Variants in ACAD9 observed in about 807,000 individuals in gnomAD.
ACAD9 encodes the protein acyl-CoA dehydrogenase family member 9.
ACAD9 carries 53 observed loss-of-function variants against 70.2 expected under a neutral mutation model. The observed-to-expected ratio is 0.75, with a 90% CI of 0.61 to 0.95. The LOEUF is 0.95. ACAD9 is among the 40% of genes least tolerant of loss of function. The pLI is 0.00. For missense variants in ACAD9, 777 were observed against 802.8 expected, an observed-to-expected ratio of 0.97 and a Z score of 0.39; for synonymous variants, 313 against 312.1, an observed-to-expected ratio of 1.00 and a Z score of -0.03.
At chr3:128,908,061 T>G in intron 12 of ACAD9, 124 bp from the exon 13 acceptor site, 3 of 909,652 alleles carry the variant, frequency 3.3e-6, no homozygotes, top group Non-Finnish European at 5.4e-6. Context: ...CCCAGCTACT[T>G]CAGGAGCAGT....
intron 1 of ACAD9, chr3:128,880,056 G>A: frequency 1.3e-6 from 2 of 1,516,496 alleles, no homozygotes; most frequent in Non-Finnish European, 1.8e-6. Context: ...TGGAAATGTG[G>A]TGGTGACGTG....
chr3:128,894,047 C>T (rs1207841978), intron 3 of ACAD9, among the ~76,000 whole-genome samples: 1 of 152,156 alleles, frequency 6.6e-6, no homozygotes, highest in African/African-American at 2.4e-5. Flanking sequence ...GCCTCCCTTA[C>T]GCTTTTTCTC....
intron 1 of ACAD9, among the ~76,000 whole-genome samples, chr3:128,881,852 C>T (rs1476920745): frequency 6.6e-6 from 1 of 152,228 alleles, no homozygotes; most frequent in Non-Finnish European, 1.5e-5. Flanking sequence ...AAACAGTGAC[C>T]AGTGTTTCCA....
At chr3:128,894,346 T>C (rs1279810341) in intron 3 of ACAD9, among the ~76,000 whole-genome samples, 2 of 152,202 alleles carry the variant, frequency 1.3e-5, no homozygotes, top group South Asian at 2.1e-4. Context: ...TGGGTCACAC[T>C]ATAGTTGTTG....
intron 8 of ACAD9, among the ~76,000 whole-genome samples, chr3:128,901,770 A>G (rs1935746955): frequency 6.6e-6 from 1 of 152,178 alleles, no homozygotes; most frequent in South Asian, 2.1e-4. Context: ...TTAAAATATT[A>G]TTTCAGTGGT....
chr3:128,903,460 T>G (rs1003528377), intron 9 of ACAD9, among the ~76,000 whole-genome samples: 4 of 152,186 alleles, frequency 2.6e-5, no homozygotes, highest in Non-Finnish European at 5.9e-5. Flanking sequence ...GGCTCGGCCC[T>G]CTACACCTCC....
Position 128,884,762 on chromosome 3 carries a change from T to C in ACAD9, c.244+16T>C. ...ACTGAAGAGGGTATGTATGGTTTTCTTTACCATTGCCGATTTCCATTGTAA... is the reference window on the plus strand; with the variant it reads ...ACTGAAGAGGGTATGTATGGTTTTCCTTACCATTGCCGATTTCCATTGTAA... On this transcript the variant is annotated intron_variant, in intron 2 of 17. Coordinates refer to ENST00000308982, the MANE Select transcript of ACAD9 (RefSeq NM_014049.5). 6.3e-7 allele frequency: 1 copy of C among 1,581,640 alleles called. No individual in the cohort carries two copies. Among genetic ancestry groups the C allele is most frequent in the Non-Finnish European group, 8.7e-7 (1 of 1,150,934 alleles).
intron 9 of ACAD9, among the ~76,000 whole-genome samples, chr3:128,903,693 CTG>C (rs1487538723): frequency 1.3e-5 from 2 of 152,254 alleles, no homozygotes; most frequent in Non-Finnish European, 2.9e-5. Flanking sequence ...TCTGGGGCCT[CTG>C]TGCCTGGCTT....
chr3:128,908,688 C>G (rs900787516), intron 13 of ACAD9: 2 of 557,280 alleles, frequency 3.6e-6, no homozygotes. Context: ...TGCTGGAGGC[C>G]AAGTACAGGT....
chr3:128,902,326 A>C lies in ACAD9; in HGVS notation c.883-227A>C, dbSNP rs145004597. Among the ~76,000 whole-genome samples the C allele has an allele frequency of 1.3e-5, 2 of 152,344 alleles. No individual in the cohort carries two copies. The highest frequency in any genetic ancestry group is 4.8e-5 in the African/African-American group (2 of 41,588). On this transcript the variant is annotated intron_variant, in intron 8 of 17. Coordinates refer to ENST00000308982, the MANE Select transcript of ACAD9 (RefSeq NM_014049.5). The surrounding 1 kb of genome is among the most constrained non-coding windows in gnomAD (Gnocchi z 4.0). ...AATGCTGGTACTACAGGTGGGAGCC[A>C]CCATGCCCAGCTCTGGCATGGTCCT...
At chr3:128,884,569 G>A (rs1378887956) in intron 1 of ACAD9, 84 bp from the exon 2 acceptor site, 2 of 1,036,664 alleles carry the variant, frequency 1.9e-6, no homozygotes, top group South Asian at 1.4e-5. Context: ...TGGAGCACAT[G>A]TTTTTCCTTC....
chr3:128,910,427 A>T, intron 16 of ACAD9: 15 of 1,298,952 alleles, frequency 1.2e-5, no homozygotes, highest in Non-Finnish European at 1.5e-5. Flanking sequence ...GCTGTGCTGG[A>T]GGGAGGCGGG....
intron 7 of ACAD9, 64 bp from the exon 8 acceptor site, chr3:128,901,212 C>CTT (rs747502486): frequency 4.9e-6 from 7 of 1,440,002 alleles, no homozygotes; most frequent in African/African-American, 1.5e-5. Context: ...GAATTGCCTG[C>CTT]TTGCAGGTCA....
At chr3:128,911,088 C>T (rs1936255294) in intron 17 of ACAD9, among the ~76,000 whole-genome samples, 1 of 152,226 alleles carries the variant, frequency 6.6e-6, no homozygotes, top group Non-Finnish European at 1.5e-5. Context: ...TGGAGTTTCG[C>T]TCTTGTTGCC....
At chr3:128,908,503 C>T in intron 13 of ACAD9, 3 of 600,798 alleles carry the variant, frequency 5.0e-6, no homozygotes, top group Non-Finnish European at 8.9e-6. Context: ...CCGTATCCCC[C>T]ATCTGGTCCC....
rs1935831982 is a variant in ACAD9, at chr3:128,904,501, T to A, written c.1145T>A (p.Val382Glu). The change falls in exon 11 of 18, where the codon GTG becomes GAG. Residue 382 changes from valine (V) to glutamate (E), a missense_variant. Coordinates refer to ENST00000308982, the MANE Select transcript of ACAD9 (RefSeq NM_014049.5). Reference protein sequence around the residue: ...FPDCSIEAAMVKVFSSEAAWQ... With the variant: ...FPDCSIEAAMEKVFSSEAAWQ... ...GACTGCTCCATCGAGGCAGCCATGG[T>A]GAAGGTAACCCTGGCATAGCCAGAG... The A allele has an allele frequency of 1.2e-6, 2 of 1,613,806 alleles. No homozygotes were observed. Among genetic ancestry groups the A allele is most frequent in the Non-Finnish European group, 8.5e-7 (1 of 1,180,006 alleles).
At chr3:128,891,134 C>T (rs78314245) in intron 2 of ACAD9, among the ~76,000 whole-genome samples, 2,131 of 152,168 alleles carry the variant, frequency 0.014, 51 homozygotes, top group African/African-American at 0.049. Flanking sequence ...CCACCGTGCC[C>T]GGCCAGCAAT....
intron 8 of ACAD9, among the ~76,000 whole-genome samples, chr3:128,901,706 G>A (rs949458638): frequency 6.6e-6 from 1 of 152,114 alleles, no homozygotes; most frequent in African/African-American, 2.4e-5. Context: ...TTTCTTTTTG[G>A]ACTAAGACTT....
At chr3:128,879,864 C>G (rs1418041207) in intron 1 of ACAD9, 23 bp downstream of exon 1, 1 of 1,613,840 alleles carries the variant, frequency 6.2e-7, no homozygotes, top group South Asian at 1.1e-5. Flanking sequence ...CTGGGCGAAC[C>G]CTTGCTGTCT....
Sources: gnomAD v4.1 joint callset for allele counts (sites outside exome capture counted in the v4.1 genomes callset) on GRCh38, gnomAD v4.1.1 for gene constraint, Gnocchi (gnomAD v3.1) non-coding constraint, MANE v1.5 for transcripts, NCBI Gene and HGNC (gene_info 2026-07-23, HGNC 2026-07-21) for gene names.